Variants in SLCO3A1 observed in about 807,000 individuals in gnomAD.
SLCO3A1 encodes the protein solute carrier organic anion transporter family member 3A1.
SLCO3A1 carries 27 observed loss-of-function variants against 63.1 expected under a neutral mutation model. The ratio of observed to expected loss-of-function variants is 0.43; its 90% CI spans 0.32 to 0.59. The LOEUF is 0.59. Ranked by LOEUF, SLCO3A1 falls within the 20% of genes least tolerant of loss-of-function variation. The pLI is 0.09. For synonymous variants in SLCO3A1, 473 were observed against 409.9 expected (o/e 1.15, Z -1.86); for missense variants, 773 against 945.8 (o/e 0.82, Z 2.40).
downstream of SLCO3A1, among the ~76,000 whole-genome samples, chr15:92,167,543 G>A (rs895607919): frequency 7.2e-5 from 11 of 152,228 alleles, no homozygotes; most frequent in African/African-American, 1.9e-4. Context: ...CACAACAGCC[G>A]CAAGAACGTA....
intron 7 of SLCO3A1, among the ~76,000 whole-genome samples, chr15:92,129,297 GA>G (rs2047964434): frequency 6.6e-6 from 1 of 152,156 alleles, no homozygotes; most frequent in Non-Finnish European, 1.5e-5. Flanking sequence ...CTGTCAACTA[GA>G]AGATCAGTTC....
At chr15:92,038,532 A>G (rs2046755379) in intron 2 of SLCO3A1, among the ~76,000 whole-genome samples, 1 of 152,188 alleles carries the variant, frequency 6.6e-6, no homozygotes, top group South Asian at 2.1e-4. Context: ...ATACCTAGGG[A>G]TACAGCTAAC....
intron 4 of SLCO3A1, among the ~76,000 whole-genome samples, chr15:92,109,792 C>T (rs573459362): frequency 2.0e-5 from 3 of 152,198 alleles, no homozygotes; most frequent in African/African-American, 7.2e-5. Context: ...ATTTGGCCCC[C>T]ACAGGTGGCT....
exon 11 of SLCO3A1, chr15:92,171,805 T>G: frequency 6.4e-7 from 1 of 1,551,430 alleles, no homozygotes; most frequent in East Asian, 2.4e-5. Context: ...ACATTGAGAC[T>G]GAGAAAACCT....
chr15:92,164,205 C>T lies in SLCO3A1; in HGVS notation c.*1070C>T. On this transcript the variant is annotated 3_prime_UTR_variant, in exon 10 of 10. Coordinates refer to ENST00000318445, the MANE Select transcript of SLCO3A1 (RefSeq NM_013272.4). ...TTACTTTTTTTCTCCTTTTTTAATG[C>T]ACCAAAAATATGTGATACAAGGGAT... 1.0e-6 allele frequency: 1 copy of T among 984,870 alleles called. No individual in the cohort carries two copies. The highest frequency in any genetic ancestry group is 1.2e-6 in the Non-Finnish European group (1 of 829,732). 61.0% of individuals were successfully genotyped at this position (984,870 alleles called of 1,614,324 possible).
chr15:92,130,683 G>A (rs2047981808), intron 7 of SLCO3A1, among the ~76,000 whole-genome samples: 2 of 152,108 alleles, frequency 1.3e-5, no homozygotes, highest in African/African-American at 4.8e-5. Context: ...CCTTCCGTGT[G>A]TCACTCGTGA....
At chr15:92,000,315 A>G (rs1208671433) in intron 2 of SLCO3A1, among the ~76,000 whole-genome samples, 4 of 152,078 alleles carry the variant, frequency 2.6e-5, no homozygotes, top group Non-Finnish European at 4.4e-5. Flanking sequence ...AGAGAACAAT[A>G]TCCTCTGGGA....
chr15:92,049,715 G>A (rs913603221), intron 2 of SLCO3A1, among the ~76,000 whole-genome samples: 14 of 152,206 alleles, frequency 9.2e-5, no homozygotes, highest in Non-Finnish European at 2.1e-4. Flanking sequence ...TTAGAGGTCT[G>A]ACAACCTAGA....
chr15:91,985,689 C>G (rs1297100648), intron 2 of SLCO3A1, among the ~76,000 whole-genome samples: 2 of 152,152 alleles, frequency 1.3e-5, no homozygotes, highest in African/African-American at 4.8e-5. Context: ...CCCTCAGGCC[C>G]TGTGTCACAG....
At position 92,165,614 on chromosome 15, in the gene SLCO3A1, TGA is replaced by T; in HGVS notation, c.*2481_*2482del. On this transcript the variant is annotated 3_prime_UTR_variant, in exon 10 of 10. Transcript: ENST00000318445. The stretch of plus-strand genomic sequence containing the variant: ...AATAACAGGAAGACAACTCCAGGGC[TGA>T]GTTTTATCAGCAATTGGGTATAAAT... 1 of 985,426 alleles carries T rather than the reference TGA, an allele frequency of 1.0e-6. No homozygotes were observed. The highest frequency in any genetic ancestry group is 1.2e-6 in the Non-Finnish European group (1 of 829,894). 61.0% of individuals were successfully genotyped at this position (985,426 alleles called of 1,614,324 possible). A position where few individuals can be genotyped will look rare whatever the true frequency, so the allele number is the denominator to read the frequency against.
chr15:92,169,685 C>T (rs2048511348), downstream of SLCO3A1, among the ~76,000 whole-genome samples: 1 of 152,242 alleles, frequency 6.6e-6, no homozygotes, highest in African/African-American at 2.4e-5. Flanking sequence ...CAGATACCTG[C>T]CATGCCTGGC....
At chr15:92,050,225 G>A (rs937325919) in intron 2 of SLCO3A1, among the ~76,000 whole-genome samples, 3 of 152,222 alleles carry the variant, frequency 2.0e-5, no homozygotes, top group Non-Finnish European at 4.4e-5. Context: ...GGCCTTTTCA[G>A]TGCCTTCAGC....
At chr15:91,855,320 C>A (rs1896889140) in intron 1 of SLCO3A1, among the ~76,000 whole-genome samples, 1 of 152,154 alleles carries the variant, frequency 6.6e-6, no homozygotes, top group African/African-American at 2.4e-5. Context: ...AAGGGAAATA[C>A]AAGCAGTGCT....
intron 4 of SLCO3A1, among the ~76,000 whole-genome samples, chr15:92,107,503 G>A (rs1567124014): frequency 1.3e-5 from 2 of 152,260 alleles, no homozygotes; most frequent in East Asian, 3.9e-4. Context: ...GAAAACCCAC[G>A]CTGCAAATGC....
intron 2 of SLCO3A1, among the ~76,000 whole-genome samples, chr15:91,976,468 G>T (rs1298893597): frequency 1.3e-5 from 2 of 152,030 alleles, no homozygotes; most frequent in Admixed American, 6.5e-5. Context: ...GTCACATGTG[G>T]CTGTCATTGG....
At chr15:92,145,078 G>A (rs545693636) in intron 7 of SLCO3A1, among the ~76,000 whole-genome samples, 3 of 152,288 alleles carry the variant, frequency 2.0e-5, no homozygotes, top group Admixed American at 2.0e-4. Flanking sequence ...ACAAGGGAGT[G>A]ATGAGTAGTG....
At chr15:92,086,849 G>T (rs368991274) in intron 2 of SLCO3A1, among the ~76,000 whole-genome samples, 1 of 151,916 alleles carries the variant, frequency 6.6e-6, no homozygotes, top group Non-Finnish European at 1.5e-5. Flanking sequence ...GGTGCCACAC[G>T]CCTGTAATCC....
At chr15:91,880,401 C>CTG (rs796110200) in intron 1 of SLCO3A1, among the ~76,000 whole-genome samples, 1 of 133,414 alleles carries the variant, frequency 7.5e-6, no homozygotes, top group African/African-American at 2.9e-5. Context: ...CTCTCTCTCT[C>CTG]TCTCTCTCTG....
rs557688321 is a variant in SLCO3A1, at chr15:91,983,386, C to A, written c.646+66928C>A. On this transcript the variant is annotated intron_variant, in intron 2 of 9. Coordinates refer to ENST00000318445, the MANE Select transcript of SLCO3A1 (RefSeq NM_013272.4). The stretch of plus-strand genomic sequence containing the variant: ...TTCTAGAGAAGTTCTCTCTGGCATC[C>A]CCAGGAGGAGAGCCAGGTCCATATC... Among the ~76,000 whole-genome samples the A allele has an allele frequency of 2.0e-5, 3 of 152,280 alleles. No individual in the cohort carries two copies. In the East Asian group the frequency reaches 5.8e-4, roughly 29 times the overall value.
Sources: gnomAD v4.1 joint callset for allele counts (sites outside exome capture counted in the v4.1 genomes callset) on GRCh38, gnomAD v4.1.1 for gene constraint, MANE v1.5 for transcripts, NCBI Gene and HGNC (gene_info 2026-07-23, HGNC 2026-07-21) for gene names.